MARCHF4: variants seen among roughly 807,000 people sequenced by gnomAD.
MARCHF4 encodes membrane associated ring-CH-type finger 4.
MARCHF4 carries 14 observed loss-of-function variants against 43.9 expected under a neutral mutation model. The observed-to-expected ratio is 0.32, with a 90% CI of 0.21 to 0.50. The LOEUF is 0.50. Ranked by LOEUF, MARCHF4 falls within the 20% of genes least tolerant of loss-of-function variation. The pLI, the probability that MARCHF4 is intolerant of heterozygous loss-of-function variation, is 0.98. For missense variants in MARCHF4, 468 were observed against 536.7 expected, an observed-to-expected ratio of 0.87 and a Z score of 1.27; for synonymous variants, 226 against 213.3, an observed-to-expected ratio of 1.06 and a Z score of -0.52.
intron 1 of MARCHF4, among the ~76,000 whole-genome samples, chr2:216,332,240 G>T (rs1692090606): frequency 6.6e-6 from 1 of 151,542 alleles, no homozygotes; most frequent in South Asian, 2.1e-4. Context: ...AAAATACAAA[G>T]AATTAGCCGG....
chr2:216,305,224 A>G (rs1219620448), intron 1 of MARCHF4, among the ~76,000 whole-genome samples: 1 of 152,222 alleles, frequency 6.6e-6, no homozygotes, highest in Non-Finnish European at 1.5e-5. Flanking sequence ...GAAGATAATC[A>G]GGATATCTGG....
intron 1 of MARCHF4, among the ~76,000 whole-genome samples, chr2:216,349,751 G>A (rs939162156): frequency 9.9e-5 from 15 of 152,174 alleles, no homozygotes; most frequent in African/African-American, 3.6e-4. Flanking sequence ...AGTATCTGGT[G>A]GGAGGTTAAA....
intron 1 of MARCHF4, among the ~76,000 whole-genome samples, chr2:216,353,778 C>T (rs1171889021): frequency 6.6e-6 from 1 of 152,174 alleles, no homozygotes; most frequent in Non-Finnish European, 1.5e-5. Context: ...AAACTCCTGA[C>T]CTCAAGTGAT....
intron 1 of MARCHF4, among the ~76,000 whole-genome samples, chr2:216,365,399 C>G (rs1692649145): frequency 6.6e-6 from 1 of 152,232 alleles, no homozygotes; most frequent in African/African-American, 2.4e-5. Flanking sequence ...TAGCTTCTGA[C>G]TGCCATGGTG....
chr2:216,358,576 A>T (rs1692534700), intron 1 of MARCHF4, among the ~76,000 whole-genome samples: 1 of 152,200 alleles, frequency 6.6e-6, no homozygotes, highest in Non-Finnish European at 1.5e-5. Context: ...TTTTTATAAA[A>T]GAGCAAATAA....
intron 3 of MARCHF4, among the ~76,000 whole-genome samples, chr2:216,266,466 T>C (rs1428633992): frequency 6.6e-6 from 1 of 152,206 alleles, no homozygotes; most frequent in East Asian, 1.9e-4. Context: ...GTACCTGCTC[T>C]TTCATCTCCT....
chr2:216,287,009 G>C (rs973018105), intron 1 of MARCHF4, among the ~76,000 whole-genome samples: 2 of 152,130 alleles, frequency 1.3e-5, no homozygotes, highest in Non-Finnish European at 2.9e-5. Context: ...AAGGTCACAC[G>C]GGCGTCAGAC....
chr2:216,284,609 G>T (rs1185453514), intron 1 of MARCHF4, among the ~76,000 whole-genome samples: 1 of 152,164 alleles, frequency 6.6e-6, no homozygotes, highest in Non-Finnish European at 1.5e-5. Context: ...GAAACTACAG[G>T]CATGCACCAC....
intron 1 of MARCHF4, among the ~76,000 whole-genome samples, chr2:216,301,297 T>A (rs1035304179): frequency 1.3e-5 from 2 of 152,242 alleles, no homozygotes; most frequent in African/African-American, 4.8e-5. Flanking sequence ...ATTCCAGGGC[T>A]GGACTCCAGC....
chr2:216,262,922 C>T (rs554838215), intron 3 of MARCHF4, among the ~76,000 whole-genome samples: 1 of 152,216 alleles, frequency 6.6e-6, no homozygotes, highest in South Asian at 2.1e-4. Context: ...TGCTATGGTA[C>T]AACTACATTA....
intron 2 of MARCHF4, 142 bp downstream of exon 2, chr2:216,283,432 G>T: frequency 1.1e-6 from 1 of 908,120 alleles, no homozygotes. Context: ...GCCCCACGCC[G>T]CCCACCGTGC....
intron 1 of MARCHF4, among the ~76,000 whole-genome samples, chr2:216,296,271 G>A (rs868216331): frequency 3.3e-5 from 5 of 152,196 alleles, no homozygotes; most frequent in South Asian, 4.1e-4. Context: ...GCTTGCACCC[G>A]GGAGGCAGAG....
At chr2:216,317,539 A>C (rs1340844352) in intron 1 of MARCHF4, among the ~76,000 whole-genome samples, 1 of 152,096 alleles carries the variant, frequency 6.6e-6, no homozygotes, top group Non-Finnish European at 1.5e-5. Flanking sequence ...TCAGCCTCTC[A>C]AGTAGCTGAG....
chr2:216,360,892 C>T (rs1692566872), intron 1 of MARCHF4, among the ~76,000 whole-genome samples: 2 of 140,210 alleles, frequency 1.4e-5, no homozygotes, highest in Non-Finnish European at 2.9e-5. Context: ...AATTCCAGGG[C>T]TCGTCTCAAA....
intron 1 of MARCHF4, among the ~76,000 whole-genome samples, chr2:216,335,296 T>C (rs1051442967): frequency 6.6e-6 from 1 of 152,100 alleles, no homozygotes; most frequent in African/African-American, 2.4e-5. Context: ...GATATGCCAT[T>C]GAGAAATTGA....
At chr2:216,278,204 C>G (rs953512857) in intron 2 of MARCHF4, among the ~76,000 whole-genome samples, 1 of 150,066 alleles carries the variant, frequency 6.7e-6, no homozygotes, top group Non-Finnish European at 1.5e-5. Flanking sequence ...GTGTTCTAGG[C>G]CCCCAGATGA....
intron 1 of MARCHF4, among the ~76,000 whole-genome samples, chr2:216,294,224 G>T (rs577578927): frequency 6.6e-6 from 1 of 152,260 alleles, no homozygotes; most frequent in Non-Finnish European, 1.5e-5. Context: ...CCCCTGGCAA[G>T]TTAAGTGGCA....
At chr2:216,283,144 ACCT>A (rs1559089177) in intron 2 of MARCHF4, among the ~76,000 whole-genome samples, 7 of 151,180 alleles carry the variant, frequency 4.6e-5, no homozygotes, top group Non-Finnish European at 8.9e-5. Context: ...CACCCCTCCC[ACCT>A]TCTGTCTTTT....
chr2:216,321,924 T>A (rs933707491), intron 1 of MARCHF4, among the ~76,000 whole-genome samples: 2 of 152,210 alleles, frequency 1.3e-5, no homozygotes, highest in African/African-American at 4.8e-5. Context: ...TTGCAGTGAC[T>A]AGCTTCTCCA....
Sources: allele counts gnomAD v4.1 joint callset (sites outside exome capture counted in the v4.1 genomes callset), GRCh38; gene constraint gnomAD v4.1.1; transcripts MANE v1.5; gene names NCBI Gene and HGNC (gene_info 2026-07-23, HGNC 2026-07-21).